PTPRD: variants seen among roughly 807,000 people sequenced by gnomAD.
PTPRD encodes receptor-type tyrosine-protein phosphatase delta.
Under a neutral mutation model 214.5 loss-of-function variants are expected in PTPRD, and 34 were observed. That is an observed-to-expected ratio of 0.16 (90% CI 0.12 to 0.21). The LOEUF (loss-of-function observed/expected upper bound fraction) is 0.21. PTPRD is among the 10% of genes least tolerant of loss of function. PTPRD has a pLI of 1.00. For synonymous variants in PTPRD, 1,128 were observed against 845.7 expected, an observed-to-expected ratio of 1.33 and a Z score of -5.79; for missense variants, 2,545 against 2,398.7, an observed-to-expected ratio of 1.06 and a Z score of -1.27.
At chr9:8,826,582 G>C (rs1348127729) in intron 11 of PTPRD, among the ~76,000 whole-genome samples, 3 of 150,816 alleles carry the variant, frequency 2.0e-5, no homozygotes, top group Admixed American at 6.6e-5. Flanking sequence ...TCATCCTTCA[G>C]GTCTTTACTT....
At chr9:9,218,165 G>A (rs770079161) in intron 9 of PTPRD, among the ~76,000 whole-genome samples, 17 of 152,082 alleles carry the variant, frequency 1.1e-4, no homozygotes, top group South Asian at 2.1e-4. Context: ...TGCTTCTTTC[G>A]TTTTCTAACC....
chr9:8,649,603 G>A (rs1047542463), intron 12 of PTPRD, among the ~76,000 whole-genome samples: 2 of 152,120 alleles, frequency 1.3e-5, no homozygotes, highest in African/African-American at 4.8e-5. Flanking sequence ...ATGTAGAAGT[G>A]TATTATAAGA....
chr9:9,014,515 C>T (rs928302865), intron 11 of PTPRD, among the ~76,000 whole-genome samples: 2 of 152,086 alleles, frequency 1.3e-5, no homozygotes, highest in South Asian at 2.1e-4. Context: ...AGATCACAAT[C>T]AATCCAGAAG....
intron 9 of PTPRD, among the ~76,000 whole-genome samples, chr9:9,311,980 C>A (rs1253512859): frequency 6.6e-6 from 1 of 152,126 alleles, no homozygotes; most frequent in Non-Finnish European, 1.5e-5. Flanking sequence ...CTAAATGTAG[C>A]AATATACACT....
intron 8 of PTPRD, among the ~76,000 whole-genome samples, chr9:9,481,758 G>C (rs2095423973): frequency 6.6e-6 from 1 of 151,984 alleles, no homozygotes; most frequent in African/African-American, 2.4e-5. Context: ...TTGACACCTA[G>C]TCAATAGAAG....
chr9:8,832,411 T>TTTA (rs1491188699), intron 11 of PTPRD, among the ~76,000 whole-genome samples: 1 of 9,804 alleles, frequency 1.0e-4, no homozygotes, highest in East Asian at 1.4e-3. Context: ...TAAAATCATC[T>TTTA]TTTTTTTTTT....
intron 9 of PTPRD, among the ~76,000 whole-genome samples, chr9:9,355,566 G>A (rs1339309522): frequency 6.6e-6 from 1 of 151,398 alleles, no homozygotes; most frequent in Non-Finnish European, 1.5e-5. Context: ...GAAAAGTCAG[G>A]GACTTAGTTT....
chr9:9,005,573 C>T (rs773554148), intron 11 of PTPRD, among the ~76,000 whole-genome samples: 6 of 152,002 alleles, frequency 3.9e-5, no homozygotes. Flanking sequence ...TCTTCTGATC[C>T]TTTTGGTTAA....
At chr9:8,769,850 C>A (rs555258155) in intron 11 of PTPRD, among the ~76,000 whole-genome samples, 1 of 151,684 alleles carries the variant, frequency 6.6e-6, no homozygotes, top group Non-Finnish European at 1.5e-5. Flanking sequence ...CTCCCCTGCT[C>A]CCAATCCAAG....
intron 12 of PTPRD, among the ~76,000 whole-genome samples, chr9:8,671,480 C>T (rs915857584): frequency 1.3e-5 from 2 of 152,104 alleles, no homozygotes; most frequent in Non-Finnish European, 2.9e-5. Context: ...AAGCTTATTG[C>T]TGTAAGTATA....
rs550308434 is a variant in PTPRD at position 8,708,658 on chromosome 9, G to T, written c.64+25122C>A. ...CGCACCAGTGCACTCCAGCCTGGGT[G>T]ACAAGAGCGAGACTCTGTCTCAAAA... On this transcript the variant is annotated intron_variant, in intron 12 of 45. Coordinates refer to ENST00000381196, the MANE Select transcript of PTPRD (RefSeq NM_002839.4). Among the ~76,000 whole-genome samples the T allele has an allele frequency of 3.0e-3, 341 of 112,588 alleles. 3 individuals carry two copies. Among genetic ancestry groups the T allele is most frequent in the Admixed American group, 0.012 (84 of 7,186 alleles). The allele number at this position is 112,588 out of a possible 152,430, so 73.9% of individuals were successfully genotyped here.
chr9:9,318,276 A>T (rs1013949997), intron 9 of PTPRD, among the ~76,000 whole-genome samples: 7 of 152,066 alleles, frequency 4.6e-5, no homozygotes, highest in African/African-American at 1.4e-4. Flanking sequence ...TGTTAAAAAC[A>T]AGTTTGCCAC....
At chr9:9,732,338 A>G (rs1031591639) in intron 7 of PTPRD, among the ~76,000 whole-genome samples, 3 of 152,162 alleles carry the variant, frequency 2.0e-5, no homozygotes, top group Non-Finnish European at 2.9e-5. Flanking sequence ...CACTGGTCAC[A>G]TTAAAAAACA....
At chr9:10,071,092 ACT>A (rs2098002810) in intron 3 of PTPRD, among the ~76,000 whole-genome samples, 1 of 152,162 alleles carries the variant, frequency 6.6e-6, no homozygotes, top group African/African-American at 2.4e-5. Flanking sequence ...AAACTACAAA[ACT>A]CTGATGAAAG....
At chr9:10,413,346 A>T (rs1587656919) in intron 2 of PTPRD, among the ~76,000 whole-genome samples, 1 of 151,964 alleles carries the variant, frequency 6.6e-6, no homozygotes, top group Non-Finnish European at 1.5e-5. Flanking sequence ...TCCGGAATGC[A>T]GTGTCATTCA....
At chr9:9,925,944 T>A (rs915388334) in intron 5 of PTPRD, among the ~76,000 whole-genome samples, 1 of 152,110 alleles carries the variant, frequency 6.6e-6, no homozygotes, top group African/African-American at 2.4e-5. Flanking sequence ...TCCTCCCACC[T>A]CAGCCTCCTA....
At position 9,333,504 on chromosome 9, in the gene PTPRD, TTATA is replaced by T. The variant is rs3048057; in HGVS notation, c.-203+63941_-203+63944del. Among the ~76,000 whole-genome samples, 44 of 137,200 alleles carry T rather than the reference TTATA, an allele frequency of 3.2e-4. 2 individuals are homozygous for T. Among genetic ancestry groups the T allele is most frequent in the African/African-American group, 1.0e-3 (36 of 34,288 alleles). 90.0% of individuals were successfully genotyped at this position (137,200 alleles called of 152,430 possible). On this transcript the variant is annotated intron_variant, in intron 9 of 45. Coordinates refer to ENST00000381196, the MANE Select transcript of PTPRD (RefSeq NM_002839.4). The stretch of plus-strand genomic sequence containing the variant: ...TAAAACATATATATTATATAGTATA[TTATA>T]TATATATATATATATATAAAGTCTG...
chr9:9,918,600 T>A, intron 5 of PTPRD, among the ~76,000 whole-genome samples: 1 of 152,056 alleles, frequency 6.6e-6, no homozygotes, highest in East Asian at 1.9e-4. Context: ...GCCAAAGCCA[T>A]CCTGAGACAA....
At chr9:9,813,389 G>GC (rs35250840) in intron 5 of PTPRD, among the ~76,000 whole-genome samples, 85,948 of 151,552 alleles carry the variant, frequency 0.57, 27,551 homozygotes, top group East Asian at 0.88. Context: ...TAAACCTTTA[G>GC]CAAAAATAGA....
Sources: allele counts gnomAD v4.1 joint callset (sites outside exome capture counted in the v4.1 genomes callset), GRCh38; gene constraint gnomAD v4.1.1; transcripts MANE v1.5; gene names NCBI Gene and HGNC (gene_info 2026-07-23, HGNC 2026-07-21).